TDO2: variants seen among roughly 807,000 people sequenced by gnomAD.
TDO2 encodes tryptophan 2,3-dioxygenase.
A neutral mutation model predicts 61.2 loss-of-function variants in TDO2; 63 were observed. That is an observed-to-expected ratio of 1.03 (90% confidence interval 0.84 to 1.27). TDO2 has a LOEUF of 1.27. Ranked by LOEUF, TDO2 falls within the 50% of genes most tolerant of loss-of-function variation. The pLI, the probability that TDO2 is intolerant of heterozygous loss-of-function variation, is 0.00. For missense variants in TDO2, 494 were observed against 469.5 expected, an observed-to-expected ratio of 1.05 and a Z score of -0.48; for synonymous variants, 183 against 164.0, an observed-to-expected ratio of 1.12 and a Z score of -0.89.
intron 4 of TDO2, 140 bp downstream of exon 4, chr4:155,907,932 TGAG>T: frequency 1.6e-6 from 1 of 610,876 alleles, no homozygotes; most frequent in South Asian, 2.3e-5. Context: ...TATGAATGAA[TGAG>T]GAGTTCAGTC....
At chr4:155,908,560 T>A (rs1742761313) in intron 4 of TDO2, among the ~76,000 whole-genome samples, 1 of 152,322 alleles carries the variant, frequency 6.6e-6, no homozygotes, top group East Asian at 1.9e-4. Context: ...CACTCAGAAG[T>A]TCCTGTGTTA....
chr4:155,905,165 G>T lies in TDO2; in HGVS notation c.232+8G>T. 6.4e-7 allele frequency: 1 copy of T among 1,565,232 alleles called. No individual in the cohort carries two copies. The highest frequency in any genetic ancestry group is 8.6e-7 in the Non-Finnish European group (1 of 1,156,528). On this transcript the variant is annotated splice_region_variant and intron_variant, in intron 3 of 11. Coordinates refer to ENST00000536354, the MANE Select transcript of TDO2 (RefSeq NM_005651.4). ...TTATCATAACTCATCAAGGTAAGTTGCACAAAGGTTTTGGACAATATTCCA... is the reference window on the plus strand; with the variant it reads ...TTATCATAACTCATCAAGGTAAGTTTCACAAAGGTTTTGGACAATATTCCA...
chr4:155,915,033 T>G (rs1742906325), intron 8 of TDO2, among the ~76,000 whole-genome samples: 1 of 152,186 alleles, frequency 6.6e-6, no homozygotes, highest in Non-Finnish European at 1.5e-5. Flanking sequence ...GGGTGAGTTC[T>G]TTCATACAAA....
chr4:155,918,081 C>G, intron 10 of TDO2, 68 bp from the exon 11 acceptor site: 3 of 1,466,358 alleles, frequency 2.0e-6, no homozygotes, highest in Non-Finnish European at 2.8e-6. Flanking sequence ...ACCAACCCCT[C>G]ATTGTTAGAA....
intron 7 of TDO2, among the ~76,000 whole-genome samples, chr4:155,912,918 T>C (rs1290060173): frequency 1.3e-5 from 2 of 152,188 alleles, no homozygotes; most frequent in Admixed American, 6.5e-5. Flanking sequence ...TTTTTTCTCC[T>C]ATAATCCATC....
chr4:155,903,942 T>G, intron 1 of TDO2, 76 bp from the exon 2 acceptor site: 1 of 1,503,808 alleles, frequency 6.6e-7, no homozygotes, highest in Admixed American at 1.7e-5. Context: ...GCAATGAGAA[T>G]TTTAATCACC....
At position 155,911,434 on chromosome 4, in the gene TDO2, C is replaced by T. The variant is rs549787320; in HGVS notation, c.619-63C>T. The T allele has an allele frequency of 4.1e-5, 49 of 1,208,050 alleles. 1 individual carries two copies. The South Asian group carries it at 4.1e-4, about 10-fold the overall frequency. The allele number at this position is 1,208,050 out of a possible 1,614,324, so 74.8% of individuals were successfully genotyped here. The stretch of plus-strand genomic sequence containing the variant: ...TTTCTTGTTTTAAGTTTATACATGT[C>T]GGTTACAATGCATTTTACATAATTT... On this transcript the variant is annotated intron_variant, in intron 6 of 11. Coordinates refer to ENST00000536354, the MANE Select transcript of TDO2 (RefSeq NM_005651.4).
intron 3 of TDO2, chr4:155,906,279 A>G (rs186860260): frequency 3.3e-4 from 50 of 152,286 alleles, no homozygotes; most frequent in Non-Finnish European, 5.0e-4. Flanking sequence ...TTTTATAAAA[A>G]CACTTTTCTT....
At chr4:155,904,767 G>A (rs963517632) in intron 2 of TDO2, among the ~76,000 whole-genome samples, 1 of 152,072 alleles carries the variant, frequency 6.6e-6, no homozygotes, top group Non-Finnish European at 1.5e-5. Flanking sequence ...AGTCAGCTCA[G>A]CAAGTTTTCA....
chr4:155,907,834 G>A lies in TDO2; in HGVS notation c.303+42G>A, dbSNP rs1742745956. ...CAATATTGGTTTCATGTATATTTTT[G>A]GAAGATATGGAAAGTATTATTAATG... is the stretch of plus-strand genomic sequence containing the variant. On this transcript the variant is annotated intron_variant, in intron 4 of 11. Coordinates refer to ENST00000536354, the MANE Select transcript of TDO2 (RefSeq NM_005651.4). 3 of 1,463,024 alleles carry A rather than the reference G, an allele frequency of 2.1e-6. No individual in the cohort carries two copies. The Admixed American group carries it at 5.3e-5, about 26-fold the overall frequency. 90.6% of individuals were successfully genotyped at this position (1,463,024 alleles called of 1,614,324 possible). A position where few individuals can be genotyped will look rare whatever the true frequency, so the allele number is the denominator to read the frequency against.
intron 3 of TDO2, chr4:155,905,801 G>A (rs1742708248): frequency 1.3e-5 from 2 of 152,206 alleles, no homozygotes; most frequent in Admixed American, 1.3e-4. Flanking sequence ...CCCAATCACT[G>A]TTGCCTGCCA....
At position 155,905,019 on chromosome 4, in the gene TDO2, A is replaced by T. The variant is rs1316581215; in HGVS notation, c.142-48A>T. ...TTCTACTTCTTACTAAAGTTCATAA[A>T]AACCAAGTTCTGCAATTTCAGACAG... On this transcript the variant is annotated intron_variant, in intron 2 of 11. Transcript: ENST00000536354. 4 of 1,402,562 alleles carry T rather than the reference A, an allele frequency of 2.9e-6. No individual in the cohort carries two copies. In the South Asian group the frequency reaches 4.1e-5, roughly 14 times the overall value. 86.9% of individuals were successfully genotyped at this position (1,402,562 alleles called of 1,614,324 possible).
chr4:155,915,547 G>A (rs1050216421), intron 8 of TDO2, among the ~76,000 whole-genome samples: 3 of 151,966 alleles, frequency 2.0e-5, no homozygotes, highest in African/African-American at 7.3e-5. Context: ...TCTTTTACTC[G>A]GAAAATGAAT....
At chr4:155,905,008 A>C in intron 2 of TDO2, 59 bp from the exon 3 acceptor site, 1 of 1,192,298 alleles carries the variant, frequency 8.4e-7, no homozygotes, top group Non-Finnish European at 1.2e-6. Context: ...ACTTCTTACT[A>C]AAGTTCATAA....
intron 7 of TDO2, among the ~76,000 whole-genome samples, chr4:155,912,318 T>A (rs2110876017): frequency 6.6e-6 from 1 of 152,272 alleles, no homozygotes; most frequent in Non-Finnish European, 1.5e-5. Context: ...ATTAAATAAA[T>A]ACTTGTAAAG....
At chr4:155,914,794 C>T (rs1742902032) in intron 8 of TDO2, among the ~76,000 whole-genome samples, 1 of 152,036 alleles carries the variant, frequency 6.6e-6, no homozygotes, top group Non-Finnish European at 1.5e-5. Context: ...GGAATAGCTA[C>T]CGTGAGAGCA....
At position 155,917,564 on chromosome 4, in the gene TDO2, TTC is replaced by T. The variant is rs1742966220; in HGVS notation, c.976+96_976+97del. 6.7e-6 allele frequency: 7 copies of T among 1,049,764 alleles called. No individual in the cohort carries two copies. The South Asian group carries it at 8.2e-5, about 12-fold the overall frequency. 65.0% of individuals were successfully genotyped at this position (1,049,764 alleles called of 1,614,324 possible). On this transcript the variant is annotated intron_variant, in intron 10 of 11. Transcript: ENST00000536354. ...TCTTCTGTGTGCCCTCCTGCCCACTTTCTCTCTTTCCCCCTCCTTTGTGTGTG... is the reference window on the plus strand; with the variant it reads ...TCTTCTGTGTGCCCTCCTGCCCACTTTCTCTTTCCCCCTCCTTTGTGTGTG...
chr4:155,905,908 T>G (rs754590553), intron 3 of TDO2: 1 of 152,124 alleles, frequency 6.6e-6, no homozygotes, highest in Non-Finnish European at 1.5e-5. Context: ...ATTAATAAAC[T>G]CTGGTAAAGA....
chr4:155,914,392 T>C lies in TDO2; in HGVS notation c.796T>C (p.Ser266Pro). ...TCAGAAGCAAAAAGAGGTGCTACTG[T>C]CCTTATTTGATGAGAAACGTCATGA... ...EFQKQKEVLLSLFDEKRHEHL... is the reference protein window; with the variant it reads ...EFQKQKEVLLPLFDEKRHEHL... Residue 266 changes from serine (S) to proline (P), a missense_variant, in exon 8 of 12, where the codon TCC (serine) becomes CCC (proline). Ser to Pro is a moderately conservative substitution (Grantham distance 74). Coordinates refer to ENST00000536354, the MANE Select transcript of TDO2 (RefSeq NM_005651.4). The C allele has an allele frequency of 6.2e-7, 1 of 1,603,340 alleles. No individual in the cohort carries two copies.
Sources: allele counts gnomAD v4.1 joint callset (sites outside exome capture counted in the v4.1 genomes callset), GRCh38; gene constraint gnomAD v4.1.1; transcripts MANE v1.5; gene names NCBI Gene and HGNC (gene_info 2026-07-23, HGNC 2026-07-21).